COL9A3: variants seen among roughly 807,000 people sequenced by gnomAD.
The protein encoded by COL9A3 is collagen type IX alpha 3 chain.
COL9A3 carries 82 observed loss-of-function variants against 110.2 expected under a neutral mutation model. That is an observed-to-expected ratio of 0.74 (90% CI 0.62 to 0.89). The LOEUF (loss-of-function observed/expected upper bound fraction) is 0.89. COL9A3 is among the 40% of genes least tolerant of loss of function. The pLI is 0.00. For missense variants in COL9A3, 1,066 were observed against 981.3 expected (o/e 1.09, Z -1.15); for synonymous variants, 494 against 403.8 (o/e 1.22, Z -2.68).
Position 62,826,814 on chromosome 20 carries a change from G to A in COL9A3, c.786G>A (p.Gly262=). 4 of 1,612,822 alleles carry A rather than the reference G, an allele frequency of 2.5e-6. No individual in the cohort carries two copies. The South Asian group carries it at 3.3e-5, about 13-fold the overall frequency. ...RGPPGIPGAP[G]KAGDRGERGP... ...CGCCTGGGATCCCAGGAGCGCCTGG[G>A]AAAGCGGTACGTGTGTCAGTGGACG... The change falls in exon 15 of 32, where the codon GGG becomes GGA. Residue 262 remains glycine, a synonymous_variant. Coordinates refer to ENST00000649368, the MANE Select transcript of COL9A3 (RefSeq NM_001853.4).
chr20:62,835,918 C>G lies in COL9A3; in HGVS notation c.1369-3C>G. 6.2e-7 allele frequency: 1 copy of G among 1,614,232 alleles called. No individual in the cohort carries two copies. Among genetic ancestry groups the G allele is most frequent in the Non-Finnish European group, 8.5e-7 (1 of 1,180,030 alleles). On this transcript the variant is annotated splice_region_variant and splice_polypyrimidine_tract_variant and intron_variant, in intron 26 of 31. Transcript: ENST00000649368. The stretch of plus-strand genomic sequence containing the variant: ...TTCAAACACACAACTTTTCTCTTCA[C>G]AGGGTCCCAGCGGCCTGGTCGGACC...
chr20:62,822,007 G>A, intron 8 of COL9A3, 104 bp from the exon 9 acceptor site: 3 of 838,184 alleles, frequency 3.6e-6, no homozygotes, highest in Non-Finnish European at 4.2e-6. Context: ...CCGTGGGAGT[G>A]GGGGCTGGTG....
At chr20:62,824,874 TG>T in intron 11 of COL9A3, 93 bp from the exon 12 acceptor site, 1 of 1,336,222 alleles carries the variant, frequency 7.5e-7, no homozygotes, top group Non-Finnish European at 1.0e-6. Flanking sequence ...TGGCGGGCCC[TG>T]GGCTGACTGA....
intron 10 of COL9A3, 71 bp from the exon 11 acceptor site, chr20:62,824,374 G>A (rs2063534390): frequency 4.8e-6 from 7 of 1,446,098 alleles, no homozygotes; most frequent in Admixed American, 2.0e-5. Context: ...GGTCCCGCGG[G>A]CGCTGACCCC....
At chr20:62,836,432 C>T (rs368785667) in intron 28 of COL9A3, 46 bp from the exon 29 acceptor site, 134 of 1,613,370 alleles carry the variant, frequency 8.3e-5, no homozygotes, top group African/African-American at 1.6e-4. Context: ...AATGCCTCAC[C>T]GAGGCTGCCG....
intron 27 of COL9A3, 105 bp downstream of exon 27, chr20:62,836,058 G>A (rs752349983): frequency 1.5e-4 from 238 of 1,606,676 alleles, no homozygotes; most frequent in Non-Finnish European, 1.9e-4. Flanking sequence ...GCCCAGATCC[G>A]AGATGTAAAA....
chr20:62,824,520 G>A lies in COL9A3; in HGVS notation c.576+19G>A, dbSNP rs1289713413. On this transcript the variant is annotated intron_variant, in intron 11 of 31. Coordinates refer to ENST00000649368, the MANE Select transcript of COL9A3 (RefSeq NM_001853.4). ...GTTCAAGGTGAGTCACGGGTGACTG[G>A]GACCCAAGCACCACCCTGTGCTGGG... The A allele has an allele frequency of 5.7e-6, 9 of 1,576,556 alleles. No homozygotes were observed. Among genetic ancestry groups the A allele is most frequent in the Non-Finnish European group, 6.9e-6 (8 of 1,161,886 alleles).
intron 6 of COL9A3, 27 bp downstream of exon 6, chr20:62,821,243 C>G (rs749344072): frequency 6.8e-6 from 11 of 1,610,388 alleles, no homozygotes; most frequent in Non-Finnish European, 9.3e-6. Context: ...GTCCTCTCCT[C>G]TCCATGGGAG....
At chr20:62,840,415 CG>C (rs2063667776) in intron 31 of COL9A3, 126 bp from the exon 32 acceptor site, 9 of 912,530 alleles carry the variant, frequency 9.9e-6, no homozygotes, top group South Asian at 4.1e-5. Flanking sequence ...CCTCCCCACC[CG>C]CTGTGGCCTC....
At chr20:62,838,973 C>T (rs1021116895) in intron 31 of COL9A3, among the ~76,000 whole-genome samples, 33 of 152,134 alleles carry the variant, frequency 2.2e-4, no homozygotes, top group African/African-American at 7.5e-4. Flanking sequence ...ACCTGTAATC[C>T]CAGCACTTTG....
chr20:62,828,877 C>T (rs376065403), intron 18 of COL9A3, 46 bp from the exon 19 acceptor site: 124 of 1,612,194 alleles, frequency 7.7e-5, no homozygotes, highest in Non-Finnish European at 9.5e-5. Context: ...TTCGGCCTCC[C>T]GAGGCCTCAG....
At position 62,838,709 on chromosome 20, in the gene COL9A3, A is replaced by C; in HGVS notation, c.1812A>C (p.Lys604Asn). The C allele has an allele frequency of 6.4e-7, 1 of 1,552,820 alleles. No individual in the cohort carries two copies. Residue 604 changes from lysine (K) to asparagine (N), a missense_variant, in exon 31 of 32, where the codon AAA (lysine) becomes AAC (asparagine). Lys to Asn is a moderately conservative substitution (Grantham distance 94, BLOSUM62 0). Transcript: ENST00000649368. ...PRGNQGDRGD[K>N]GAAGAGLDGP... Reference sequence around the variant, plus strand: ...GAAACCAGGGTGACAGAGGAGACAAAGGCGCGGCAGGAGCAGGGCTGGACG... The same window carrying C: ...GAAACCAGGGTGACAGAGGAGACAACGGCGCGGCAGGAGCAGGGCTGGACG...
At chr20:62,828,127 C>A in intron 17 of COL9A3, 151 bp downstream of exon 17, 1 of 811,188 alleles carries the variant, frequency 1.2e-6, no homozygotes, top group Non-Finnish European at 2.0e-6. Flanking sequence ...CGCAGCCCCA[C>A]ACATTTCTCT....
intron 10 of COL9A3, among the ~76,000 whole-genome samples, chr20:62,823,493 G>A (rs549987327): frequency 2.6e-5 from 4 of 152,342 alleles, no homozygotes; most frequent in South Asian, 2.1e-4. Flanking sequence ...GACCACCGAC[G>A]CTGTCTACCA....
At position 62,819,276 on chromosome 20, in the gene COL9A3, G is replaced by C. The variant is rs1487270990; in HGVS notation, c.238G>C (p.Gly80Arg). Residue 80 changes from glycine (G) to arginine (R), a missense_variant, in exon 4 of 32, where the codon GGA (glycine) becomes CGA (arginine). Physicochemically the swap from Gly to Arg is moderately radical, Grantham distance 125. Coordinates refer to ENST00000649368, the MANE Select transcript of COL9A3 (RefSeq NM_001853.4). ...PGKPGEAGLP[G>R]LPGVDGLTGR... The stretch of plus-strand genomic sequence containing the variant: ...GAAACCAGGAGAGGCTGGGCTGCCG[G>C]GACTGCCGGGTGTGGATGTGAGTGC... 1 of 1,611,536 alleles carries C rather than the reference G, an allele frequency of 6.2e-7. No homozygotes were observed. Among genetic ancestry groups the C allele is most frequent in the African/African-American group, 1.3e-5 (1 of 75,040 alleles).
intron 26 of COL9A3, among the ~76,000 whole-genome samples, chr20:62,834,553 C>T (rs768810976): frequency 3.5e-4 from 54 of 152,340 alleles, no homozygotes; most frequent in Admixed American, 3.9e-4. Flanking sequence ...CCCCAGGGAC[C>T]CCAGTCTCTG....
intron 25 of COL9A3, 36 bp downstream of exon 25, chr20:62,832,225 G>GGCAA: frequency 6.2e-7 from 1 of 1,608,308 alleles, no homozygotes; most frequent in African/African-American, 1.3e-5. Context: ...AAGGAATGAA[G>GGCAA]GCAAAGCTGC....
In COL9A3 at chr20:62,824,247, AT is replaced by A. The variant is rs1476126959; in HGVS notation, c.520-197del. Among the ~76,000 whole-genome samples, 446 of 111,724 alleles carry A rather than the reference AT, an allele frequency of 4.0e-3. 2 individuals are homozygous for A. The highest frequency in any genetic ancestry group is 4.8e-3 in the Non-Finnish European group (236 of 49,196). 73.3% of individuals were successfully genotyped at this position (111,724 alleles called of 152,430 possible). A position where few individuals can be genotyped will look rare whatever the true frequency, so the allele number is the denominator to read the frequency against. On this transcript the variant is annotated intron_variant, in intron 10 of 31. Transcript: ENST00000649368. ...TGGAGTGGCCTCCTGGGGTCCCATC[AT>A]CTGTGCGGAGTGGCCTCCTGGGGTC...
intron 22 of COL9A3, 107 bp downstream of exon 22, chr20:62,829,926 A>G (rs1445268761): frequency 1.4e-6 from 2 of 1,383,058 alleles, no homozygotes; most frequent in Non-Finnish European, 2.0e-6. Flanking sequence ...TTGATGGGCC[A>G]GGCCCACAAA....
Sources: allele counts gnomAD v4.1 joint callset (sites outside exome capture counted in the v4.1 genomes callset), GRCh38; gene constraint gnomAD v4.1.1; transcripts MANE v1.5; gene names NCBI Gene and HGNC (gene_info 2026-07-23, HGNC 2026-07-21).